NELL1: variants seen among roughly 807,000 people sequenced by gnomAD.
The protein encoded by NELL1 is neural EGFL like 1.
NELL1 carries 76 observed loss-of-function variants against 107.4 expected under a neutral mutation model. That is an observed-to-expected ratio of 0.71 (90% CI 0.59 to 0.86). The LOEUF (loss-of-function observed/expected upper bound fraction) is 0.86. Ranked by LOEUF, NELL1 falls within the 40% of genes least tolerant of loss-of-function variation. The pLI, the probability that NELL1 is intolerant of heterozygous loss-of-function variation, is 0.00. For missense variants in NELL1, 1,024 were observed against 1,005.5 expected (o/e 1.02, Z -0.25); for synonymous variants, 353 against 341.2 (o/e 1.03, Z -0.38).
At chr11:21,205,844 T>C (rs1857378694) in intron 13 of NELL1, among the ~76,000 whole-genome samples, 1 of 152,162 alleles carries the variant, frequency 6.6e-6, no homozygotes, top group Non-Finnish European at 1.5e-5. Context: ...GGAGCTCTGA[T>C]TTAAATGCAG....
At chr11:21,043,035 C>T (rs16907322) in intron 12 of NELL1, among the ~76,000 whole-genome samples, 14 of 152,092 alleles carry the variant, frequency 9.2e-5, no homozygotes, top group South Asian at 4.1e-4. Flanking sequence ...AAATTGCTTA[C>T]GGTGCTATTA....
intron 15 of NELL1, among the ~76,000 whole-genome samples, chr11:21,400,864 C>T (rs1187481077): frequency 1.3e-5 from 2 of 151,830 alleles, no homozygotes; most frequent in Non-Finnish European, 2.9e-5. Flanking sequence ...GGTGCCAGGG[C>T]ACAGCACTAG....
chr11:21,199,981 C>G (rs1010214842), intron 13 of NELL1, among the ~76,000 whole-genome samples: 1 of 152,046 alleles, frequency 6.6e-6, no homozygotes, highest in Non-Finnish European at 1.5e-5. Flanking sequence ...TGAACCCATC[C>G]GTTTTATGGC....
intron 14 of NELL1, among the ~76,000 whole-genome samples, chr11:21,319,517 T>TATATATATATATA (rs1565165681): frequency 1.4e-5 from 2 of 145,132 alleles, no homozygotes; most frequent in Non-Finnish European, 3.0e-5. Context: ...TATATATATA[T>TATATATATATATA]TTTTAGTAGA....
intron 9 of NELL1, among the ~76,000 whole-genome samples, chr11:20,937,470 G>A (rs1212993566): frequency 6.6e-6 from 1 of 152,232 alleles, no homozygotes; most frequent in Non-Finnish European, 1.5e-5. Flanking sequence ...GTACTCCACA[G>A]CGATTGCCAC....
chr11:21,416,751 G>A (rs945071443), intron 15 of NELL1, among the ~76,000 whole-genome samples: 1 of 151,998 alleles, frequency 6.6e-6, no homozygotes, highest in Non-Finnish European at 1.5e-5. Context: ...TATTCTAACA[G>A]GGAATGGCAC....
Position 20,993,453 on chromosome 11 carries a change from C to T in NELL1, c.1300+32893C>T, listed in dbSNP as rs1264837468. Among the ~76,000 whole-genome samples the T allele has an allele frequency of 5.3e-5, 8 of 152,032 alleles. No individual in the cohort carries two copies. The East Asian group carries it at 1.5e-3, about 29-fold the overall frequency. ...ATCACTTCTTAATTAGACATGATGG[C>T]CATGGAGTGATTTGGGCTAGTGTCC... On this transcript the variant is annotated intron_variant, in intron 12 of 19. Transcript: ENST00000357134.
At chr11:21,458,529 T>C (rs1022962091) in intron 15 of NELL1, among the ~76,000 whole-genome samples, 2 of 152,166 alleles carry the variant, frequency 1.3e-5, no homozygotes, top group African/African-American at 2.4e-5. Flanking sequence ...GTCACAACCA[T>C]TGTAAATGTT....
intron 12 of NELL1, among the ~76,000 whole-genome samples, chr11:21,004,529 A>G (rs1852289671): frequency 6.6e-6 from 1 of 152,136 alleles, no homozygotes; most frequent in African/African-American, 2.4e-5. Context: ...CCATCCGGGC[A>G]TCAGTCCACA....
intron 16 of NELL1, among the ~76,000 whole-genome samples, chr11:21,553,265 C>G (rs1051878846): frequency 1.3e-5 from 2 of 151,906 alleles, no homozygotes; most frequent in East Asian, 3.9e-4. Context: ...GTATTTGTCA[C>G]CGAGGATTAC....
intron 12 of NELL1, among the ~76,000 whole-genome samples, chr11:21,046,541 T>C (rs1449813875): frequency 6.6e-6 from 1 of 152,164 alleles, no homozygotes; most frequent in East Asian, 1.9e-4. Flanking sequence ...ATGTCCGACT[T>C]TGTTCTTTTC....
In NELL1 at chr11:20,752,585, T is replaced by G. The variant is rs1046069887; in HGVS notation, c.185-31095T>G. On this transcript the variant is annotated intron_variant, in intron 2 of 19. Transcript: ENST00000357134. The stretch of plus-strand genomic sequence containing the variant: ...AATAAATACATAAAATCCTTAAGAA[T>G]GGTGCATTTTGTCAAGTGTCTTTTT... Among the ~76,000 whole-genome samples the G allele has an allele frequency of 2.6e-5, 4 of 152,260 alleles. No homozygotes were observed. The East Asian group carries it at 7.7e-4, about 29-fold the overall frequency.
In NELL1 at chr11:21,335,053, CA is replaced by C. The variant is rs371333678; in HGVS notation, c.1550-35796del. On this transcript the variant is annotated intron_variant, in intron 14 of 19. Coordinates refer to ENST00000357134, the MANE Select transcript of NELL1 (RefSeq NM_006157.5). ...CACATTAAGCCATTTGAAGAGGCTC[CA>C]AAAGTGGAATCAAATTCAATTAAGG... Among the ~76,000 whole-genome samples, 522 of 151,914 alleles carry C rather than the reference CA, an allele frequency of 3.4e-3. 6 individuals carry two copies. Among genetic ancestry groups the C allele is most frequent in the African/African-American group, 0.012 (491 of 41,478 alleles).
intron 4 of NELL1, among the ~76,000 whole-genome samples, chr11:20,869,526 C>T (rs1334812679): frequency 1.3e-5 from 2 of 152,134 alleles, no homozygotes; most frequent in Admixed American, 1.3e-4. Flanking sequence ...AGGGAGATGG[C>T]TGTGTACAGG....
At chr11:21,417,134 C>T (rs1479585762) in intron 15 of NELL1, among the ~76,000 whole-genome samples, 2 of 151,884 alleles carry the variant, frequency 1.3e-5, no homozygotes, top group Non-Finnish European at 2.9e-5. Context: ...TAGCACAGGA[C>T]CTAGAATGTA....
intron 2 of NELL1, among the ~76,000 whole-genome samples, chr11:20,683,272 T>TA (rs1408104895): frequency 2.0e-5 from 3 of 152,158 alleles, no homozygotes; most frequent in African/African-American, 7.2e-5. Flanking sequence ...ATTTAGATAA[T>TA]AAAATCAATT....
intron 15 of NELL1, among the ~76,000 whole-genome samples, chr11:21,449,633 A>G (rs898582839): frequency 6.6e-6 from 1 of 152,330 alleles, no homozygotes; most frequent in South Asian, 2.1e-4. Flanking sequence ...CCAATCCACA[A>G]TCATGATGAG....
intron 12 of NELL1, among the ~76,000 whole-genome samples, chr11:21,074,282 T>G (rs1215705252): frequency 1.3e-5 from 2 of 152,136 alleles, no homozygotes; most frequent in Admixed American, 6.6e-5. Context: ...CTTTAACATT[T>G]GAGAGGCAGC....
At chr11:21,148,071 C>A (rs535655033) in intron 13 of NELL1, among the ~76,000 whole-genome samples, 1 of 151,998 alleles carries the variant, frequency 6.6e-6, no homozygotes, top group Non-Finnish European at 1.5e-5. Context: ...TACCGTTTGA[C>A]GAGTATCTTA....
Sources: allele counts gnomAD v4.1 joint callset (sites outside exome capture counted in the v4.1 genomes callset), GRCh38; gene constraint gnomAD v4.1.1; transcripts MANE v1.5; gene names NCBI Gene and HGNC (gene_info 2026-07-23, HGNC 2026-07-21).